Variants in HECW1 observed in about 807,000 individuals in gnomAD.
The protein encoded by HECW1 is HECT, C2 and WW domain containing E3 ubiquitin protein ligase 1, also known as E3 ubiquitin-protein ligase HECW1.
A neutral mutation model predicts 182.3 loss-of-function variants in HECW1; 61 were observed. That is an observed-to-expected ratio of 0.33 (90% CI 0.27 to 0.41). The LOEUF (loss-of-function observed/expected upper bound fraction) is 0.41, where lower values mean the gene tolerates loss of function less well. Ranked by LOEUF, HECW1 falls within the 10% of genes least tolerant of loss-of-function variation. HECW1 has a pLI of 1.00. For missense variants in HECW1, 1,739 were observed against 2,108.9 expected (o/e 0.82, Z 3.44); for synonymous variants, 859 against 832.6 (o/e 1.03, Z -0.55).
At chr7:43,425,304 T>TGATAGATAGATAGATAGATA (rs60651990) in intron 8 of HECW1, among the ~76,000 whole-genome samples, 1,893 of 148,348 alleles carry the variant, frequency 0.013, 19 homozygotes, top group Non-Finnish European at 0.015. Context: ...GATAGATAGA[T>TGATAGATAGATAGATAGATA]GATAGATAGA....
At position 43,135,637 on chromosome 7, in the gene HECW1, C is replaced by T. The variant is rs188413335; in HGVS notation, c.-32+21246C>T. Among the ~76,000 whole-genome samples the T allele has an allele frequency of 1.2e-4, 18 of 152,296 alleles. No individual in the cohort carries two copies. In the East Asian group the frequency reaches 3.3e-3, roughly 28 times the overall value. Reference sequence around the variant, plus strand: ...ATAAAGGTAAATTATCCATCTACACCTATCATCTTTTCATGCATAGCTTTT... The same window carrying T: ...ATAAAGGTAAATTATCCATCTACACTTATCATCTTTTCATGCATAGCTTTT... On this transcript the variant is annotated intron_variant, in intron 2 of 29. Transcript: ENST00000395891.
At position 43,463,860 on chromosome 7, in the gene HECW1, T is replaced by C. The variant is rs1022478240; in HGVS notation, c.2791+61T>C. On this transcript the variant is annotated intron_variant, in intron 14 of 29. Transcript: ENST00000395891. ...TTTCAGGGGCTGTGTGACAGAGGGC[T>C]ACAAGCCTCCCACCCTGCCTCATGG... is the stretch of plus-strand genomic sequence containing the variant. 1.2e-5 allele frequency: 19 copies of C among 1,571,110 alleles called. No individual in the cohort carries two copies. The Admixed American group carries it at 1.9e-4, about 15-fold the overall frequency.
At chr7:43,321,845 A>G (rs1470016923) in intron 5 of HECW1, among the ~76,000 whole-genome samples, 1 of 152,176 alleles carries the variant, frequency 6.6e-6, no homozygotes, top group South Asian at 2.1e-4. Context: ...TTCAAGGACT[A>G]TAGATGTGAA....
chr7:43,370,489 C>T (rs1471071178), intron 6 of HECW1, among the ~76,000 whole-genome samples: 1 of 152,226 alleles, frequency 6.6e-6, no homozygotes, highest in African/African-American at 2.4e-5. Flanking sequence ...ATTCAGCAAT[C>T]TCACTCCTTG....
At chr7:43,209,873 G>A (rs181850932) in intron 2 of HECW1, among the ~76,000 whole-genome samples, 93 of 152,238 alleles carry the variant, frequency 6.1e-4, no homozygotes, top group African/African-American at 2.0e-3. Context: ...GGGCATTGGC[G>A]TTCACCCCGA....
At chr7:43,242,051 A>AGGAGGAGGGAGGCAGCAGTGAGGTCAG (rs1368357979) in intron 2 of HECW1, among the ~76,000 whole-genome samples, 1 of 152,102 alleles carries the variant, frequency 6.6e-6, no homozygotes, top group East Asian at 1.9e-4. Flanking sequence ...GTCACAGGTC[A>AGGAGGAGGGAGGCAGCAGTGAGGTCAG]GGAGGAGGGA....
intron 11 of HECW1, among the ~76,000 whole-genome samples, chr7:43,449,933 G>C (rs1206343943): frequency 1.3e-5 from 2 of 152,346 alleles, no homozygotes; most frequent in Middle Eastern, 3.4e-3. Flanking sequence ...CACCACTTCA[G>C]AACATCGTTC....
At chr7:43,509,376 G>A (rs1310677953) in intron 24 of HECW1, 7 of 386,068 alleles carry the variant, frequency 1.8e-5, no homozygotes, top group Admixed American at 8.6e-5. Flanking sequence ...CTGAGAAGAC[G>A]CTAAGATCAG....
chr7:43,308,199 A>G (rs1807959803), intron 3 of HECW1, among the ~76,000 whole-genome samples: 1 of 78,820 alleles, frequency 1.3e-5, no homozygotes, highest in Non-Finnish European at 2.4e-5. Context: ...ATATATTTAT[A>G]TATATTTTTA....
intron 2 of HECW1, among the ~76,000 whole-genome samples, chr7:43,221,330 AT>A (rs1796924613): frequency 1.3e-5 from 2 of 152,024 alleles, no homozygotes; most frequent in African/African-American, 4.8e-5. Context: ...TTCCAGGGTC[AT>A]TTTATATTTT....
chr7:43,514,301 C>CTTT (rs59223768), intron 24 of HECW1, among the ~76,000 whole-genome samples: 3,889 of 140,446 alleles, frequency 0.028, 75 homozygotes, highest in South Asian at 0.1. Flanking sequence ...CTTTTCTTTT[C>CTTT]TTTTTTTTTT....
At position 43,184,104 on chromosome 7, in the gene HECW1, C is replaced by A. The variant is rs182867203; in HGVS notation, c.-31-59771C>A. On this transcript the variant is annotated intron_variant, in intron 2 of 29. Coordinates refer to ENST00000395891, the MANE Select transcript of HECW1 (RefSeq NM_015052.5). ...TCTTGGCTCACTGCAAGCTCCACCT[C>A]CTGAGTTCACGCCATTCTCCTGCCT... Among the ~76,000 whole-genome samples the A allele has an allele frequency of 3.6e-3, 550 of 152,266 alleles. 7 individuals carry two copies. Among genetic ancestry groups the A allele is most frequent in the African/African-American group, 0.012 (510 of 41,540 alleles).
intron 3 of HECW1, among the ~76,000 whole-genome samples, chr7:43,308,562 T>G (rs1808090238): frequency 6.6e-6 from 1 of 151,644 alleles, no homozygotes; most frequent in African/African-American, 2.4e-5. Context: ...CCTACATAAC[T>G]TTGTGTTCAT....
intron 24 of HECW1, among the ~76,000 whole-genome samples, chr7:43,528,864 G>C (rs2080867761): frequency 6.6e-6 from 1 of 152,156 alleles, no homozygotes. Flanking sequence ...AGTTTTCTCA[G>C]CTAATTTGTA....
intron 3 of HECW1, chr7:43,248,631 G>T: frequency 1.3e-5 from 2 of 152,726 alleles, no homozygotes; most frequent in South Asian, 3.6e-4. Flanking sequence ...TACACTTATT[G>T]ATTTGGAACC....
intron 21 of HECW1, among the ~76,000 whole-genome samples, chr7:43,505,791 A>G (rs2079554850): frequency 6.6e-6 from 1 of 152,248 alleles, no homozygotes; most frequent in Non-Finnish European, 1.5e-5. Flanking sequence ...TCCCAGACTT[A>G]GCCAGCAGAT....
intron 3 of HECW1, among the ~76,000 whole-genome samples, chr7:43,262,313 AC>A (rs1161959221): frequency 1.3e-5 from 2 of 152,130 alleles, no homozygotes; most frequent in Non-Finnish European, 2.9e-5. Context: ...AAAAAAGAAA[AC>A]AATGGCTATA....
intron 3 of HECW1, chr7:43,245,218 AT>A (rs1799273855): frequency 1.3e-5 from 2 of 151,972 alleles, no homozygotes; most frequent in South Asian, 4.2e-4. Context: ...CCTCTGTACC[AT>A]TTTCACAACT....
intron 3 of HECW1, among the ~76,000 whole-genome samples, chr7:43,254,825 A>G (rs1365172724): frequency 6.6e-6 from 1 of 152,188 alleles, no homozygotes; most frequent in African/African-American, 2.4e-5. Flanking sequence ...AACTGTATCT[A>G]TCTAAACTTG....
Sources: allele counts gnomAD v4.1 joint callset (sites outside exome capture counted in the v4.1 genomes callset), GRCh38; gene constraint gnomAD v4.1.1; transcripts MANE v1.5; gene names NCBI Gene and HGNC (gene_info 2026-07-23, HGNC 2026-07-21).